ACAP3: variants seen among roughly 807,000 people sequenced by gnomAD.
ACAP3 encodes the protein ArfGAP with coiled-coil, ankyrin repeat and PH domains 3.
In ACAP3, 56 loss-of-function variants were observed where a neutral mutation model predicts 104.1. The observed-to-expected ratio is 0.54, with a 90% CI of 0.43 to 0.67. The LOEUF (loss-of-function observed/expected upper bound fraction) is 0.67, where lower values mean the gene tolerates loss of function less well. ACAP3 is among the 30% of genes least tolerant of loss of function. The pLI is 0.00. For synonymous variants in ACAP3, 628 were observed against 496.2 expected, an observed-to-expected ratio of 1.27 and a Z score of -3.53; for missense variants, 1,208 against 1,174.9, an observed-to-expected ratio of 1.03 and a Z score of -0.41.
intron 1 of ACAP3, among the ~76,000 whole-genome samples, chr1:1,306,678 A>G (rs375270249): frequency 1.1e-4 from 17 of 152,332 alleles, no homozygotes; most frequent in South Asian, 6.2e-4. Flanking sequence ...ACACCCACAC[A>G]TACACAATCA....
rs751564931 is a variant in ACAP3 at position 1,294,231 on chromosome 1, C to T, written c.2140-32G>A. 11 of 1,549,388 alleles carry T rather than the reference C, an allele frequency of 7.1e-6. No individual in the cohort carries two copies. The East Asian group carries it at 7.2e-5, about 10-fold the overall frequency. ...AGCCGGGGCAACTCAGACGGAGCCA[C>T]GGCACCGGCCCCTCTCCGCGCCTCT... On this transcript the variant is annotated intron_variant, in intron 21 of 23. Transcript: ENST00000354700.
rs548038022 is a variant in ACAP3, at chr1:1,304,475, T to C, written c.48-332A>G. On this transcript the variant is annotated intron_variant, in intron 1 of 23. Transcript: ENST00000354700. Reference sequence around the variant, plus strand: ...GAGCCAGCCTCACCCGCCTCTCCTCTAGGAGTTCAGAGTCAACCCTGGACC... The same window carrying C: ...GAGCCAGCCTCACCCGCCTCTCCTCCAGGAGTTCAGAGTCAACCCTGGACC... 2.2e-4 allele frequency: 103 copies of C among 462,902 alleles called. No homozygotes were observed. The East Asian group carries it at 3.7e-3, about 17-fold the overall frequency. 28.7% of individuals were successfully genotyped at this position (462,902 alleles called of 1,614,324 possible).
chr1:1,302,577 G>A (rs893412792), intron 4 of ACAP3, among the ~76,000 whole-genome samples: 2 of 152,130 alleles, frequency 1.3e-5, no homozygotes, highest in Non-Finnish European at 2.9e-5. Context: ...CATCTCACGG[G>A]TGCCTGTCCT....
At chr1:1,307,497 A>G in intron 1 of ACAP3, 1 of 1,241,186 alleles carries the variant, frequency 8.1e-7, no homozygotes, top group Non-Finnish European at 1.0e-6. Context: ...GGAGGTGCAG[A>G]CACAGAGCGG....
rs1047317381 is a variant in ACAP3 at position 1,298,119 on chromosome 1, G to T, written c.916-6C>A. 4 of 1,601,940 alleles carry T rather than the reference G, an allele frequency of 2.5e-6. No homozygotes were observed. The highest frequency in any genetic ancestry group is 1.1e-5 in the South Asian group (1 of 89,502). ...ACCACCACGGTGAGGGCATCCTGTG[G>T]GCGGCACCGCTGTGGCCCCTGCCCT... On this transcript the variant is annotated splice_region_variant and splice_polypyrimidine_tract_variant and intron_variant, in intron 12 of 23. Coordinates refer to ENST00000354700, the MANE Select transcript of ACAP3 (RefSeq NM_030649.3).
At position 1,293,459 on chromosome 1, in the gene ACAP3, G is replaced by C. The variant is rs1640930672; in HGVS notation, c.*105C>G. The C allele has an allele frequency of 1.7e-6, 2 of 1,194,152 alleles. No individual in the cohort carries two copies. The highest frequency in any genetic ancestry group is 2.1e-6 in the Non-Finnish European group (2 of 942,088). The allele number at this position is 1,194,152 out of a possible 1,614,324, so 74.0% of individuals were successfully genotyped here. Reference sequence around the variant, plus strand: ...CCCAGCACTGGGGCTGCCAGGTATCGACCCGCGGGTCACACGCAGGGCCGC... The same window carrying C: ...CCCAGCACTGGGGCTGCCAGGTATCCACCCGCGGGTCACACGCAGGGCCGC... On this transcript the variant is annotated 3_prime_UTR_variant, in exon 24 of 24. Coordinates refer to ENST00000354700, the MANE Select transcript of ACAP3 (RefSeq NM_030649.3).
rs1641398046 is a variant in ACAP3 at position 1,300,520 on chromosome 1, A to G, written c.511T>C (p.Tyr171His). 1.2e-6 allele frequency: 2 copies of G among 1,610,390 alleles called. No homozygotes were observed. Among genetic ancestry groups the G allele is most frequent in the African/African-American group, 1.3e-5 (1 of 74,832 alleles). ...RKCFRHLALDYVLQINVLQAK... is the reference protein window; with the variant it reads ...RKCFRHLALDHVLQINVLQAK... ...TTTCTGGGGCTGACCTGGAGCACATAGTCCAGTGCCAGGTGGCGGAAGCAC... is the reference window on the plus strand; with the variant it reads ...TTTCTGGGGCTGACCTGGAGCACATGGTCCAGTGCCAGGTGGCGGAAGCAC... Residue 171 changes from tyrosine (Y) to histidine (H), a missense_variant, in exon 6 of 24, where the codon TAT (tyrosine) becomes CAT (histidine). Transcript: ENST00000354700.
rs186490603 is a variant in ACAP3, at chr1:1,293,968, G to T, written c.2250-35C>A. The T allele has an allele frequency of 2.1e-3, 3,148 of 1,497,008 alleles. 5 individuals are homozygous for T. Among genetic ancestry groups the T allele is most frequent in the Non-Finnish European group, 2.5e-3 (2,784 of 1,125,280 alleles). 92.7% of individuals were successfully genotyped at this position (1,497,008 alleles called of 1,614,324 possible). A position where few individuals can be genotyped will look rare whatever the true frequency, so the allele number is the denominator to read the frequency against. On this transcript the variant is annotated intron_variant, in intron 22 of 23. Transcript: ENST00000354700. ...GAGGTCGGAGGGGCGTGTCGGGGCG[G>T]GGCGGGGCGGGGCGAGTGTGGTCGC...
chr1:1,304,326 GC>G (rs1384209377), intron 1 of ACAP3, 183 bp from the exon 2 acceptor site: 22 of 627,392 alleles, frequency 3.5e-5, no homozygotes, highest in Middle Eastern at 8.3e-4. Flanking sequence ...ACTTCCCCCC[GC>G]CCCCCCAACC....
rs761584739 is a variant in ACAP3, at chr1:1,300,174, A to G, written c.551T>C (p.Phe184Ser). The G allele has an allele frequency of 4.3e-6, 7 of 1,610,320 alleles. No individual in the cohort carries two copies. In the Admixed American group the frequency reaches 6.7e-5, roughly 15 times the overall value. Residue 184 changes from phenylalanine (F) to serine (S), a missense_variant, in exon 7 of 24, where the codon TTT becomes TCT. Physicochemically the swap from Phe to Ser is radical, Grantham distance 155 (BLOSUM62 -2). Coordinates refer to ENST00000354700, the MANE Select transcript of ACAP3 (RefSeq NM_030649.3). ...QINVLQAKKK[F>S]EILDSMLSFM... The stretch of plus-strand genomic sequence containing the variant: ...CGCACTCACAGAGTCCAGGATCTCA[A>G]ACTTCTTCTTGGCCTGCAGAACATT...
chr1:1,297,987 C>A, intron 13 of ACAP3, 26 bp downstream of exon 13: 1 of 1,611,296 alleles, frequency 6.2e-7, no homozygotes, highest in South Asian at 1.1e-5. Context: ...ACGCCCCCCG[C>A]CCCACCCTGG....
In ACAP3 at chr1:1,294,520, C is replaced by T; in HGVS notation, c.2021G>A (p.Arg674His). 3 of 1,504,990 alleles carry T rather than the reference C, an allele frequency of 2.0e-6. No individual in the cohort carries two copies. Among genetic ancestry groups the T allele is most frequent in the Admixed American group, 2.3e-5 (1 of 42,958 alleles). 93.2% of individuals were successfully genotyped at this position (1,504,990 alleles called of 1,614,324 possible). Residue 674 changes from arginine to histidine, a missense_variant, in exon 21 of 24, where the codon CGC becomes CAC. Arg to His is a conservative substitution (Grantham distance 29, BLOSUM62 0). Coordinates refer to ENST00000354700, the MANE Select transcript of ACAP3 (RefSeq NM_030649.3). ...RELHPGLLAH[R>H]AARARDLPAL... is the part of the protein sequence containing the mutation. ...AGGAAGGTCGCGGGCACGCGCTGCG[C>T]GGTGCGCCAAGAGCCCCGGGTGCAG...
intron 6 of ACAP3, 93 bp downstream of exon 6, chr1:1,300,416 C>G (rs1276822271): frequency 1.1e-5 from 15 of 1,394,578 alleles, no homozygotes; most frequent in Non-Finnish European, 1.4e-5. Flanking sequence ...AATCGTCACT[C>G]CTGCTCAAAA....
chr1:1,298,437 G>A lies in ACAP3; in HGVS notation c.864-16C>T, dbSNP rs540364350. The stretch of plus-strand genomic sequence containing the variant: ...GAACCAGCGCCTAGGTGGGTGGGGG[G>A]ATGTGGGGAGTCAGGCGGGGCCCAT... On this transcript the variant is annotated splice_polypyrimidine_tract_variant and intron_variant, in intron 11 of 23. Transcript: ENST00000354700. 31 of 1,598,190 alleles carry A rather than the reference G, an allele frequency of 1.9e-5. 1 individual carries two copies. In the South Asian group the frequency reaches 3.3e-4, roughly 17 times the overall value.
intron 1 of ACAP3, among the ~76,000 whole-genome samples, chr1:1,306,818 T>C (rs1641732458): frequency 6.6e-6 from 1 of 152,234 alleles, no homozygotes; most frequent in Non-Finnish European, 1.5e-5. Context: ...AACACGCGTG[T>C]ACAAGGTGAT....
At chr1:1,295,334 G>C in intron 19 of ACAP3, 113 bp downstream of exon 19, 1 of 969,428 alleles carries the variant, frequency 1.0e-6, no homozygotes. Context: ...GAGGCCCCCC[G>C]CCCCTTCAGA....
intron 10 of ACAP3, 126 bp downstream of exon 10, chr1:1,299,219 A>T: frequency 7.9e-7 from 1 of 1,262,160 alleles, no homozygotes; most frequent in Non-Finnish European, 1.1e-6. Flanking sequence ...CCGCATCAGC[A>T]GCAGGAGCCG....
In ACAP3 at chr1:1,295,905, G is replaced by GT; in HGVS notation, c.1535dup (p.Tyr512Ter). Residue 512 changes from tyrosine (Y) to a stop codon, truncating the protein, a stop_gained and frameshift_variant, in exon 18 of 24, where the codon TAC becomes TAAC. Transcript: ENST00000354700. LOFTEE classifies it high-confidence loss of function. ...QDKEAWIKDK[Y>*]VEKKFLRKAP... is the part of the protein sequence containing the mutation. The stretch of plus-strand genomic sequence containing the variant: ...CCTTCCGCAGAAACTTCTTTTCCAC[G>GT]TATTTGTCCTTGATCCAGGCCTCCT... The GT allele has an allele frequency of 6.2e-7, 1 of 1,612,306 alleles. No homozygotes were observed. The highest frequency in any genetic ancestry group is 8.5e-7 in the Non-Finnish European group (1 of 1,179,966).
chr1:1,307,680 G>C (rs879737746), intron 1 of ACAP3, 89 bp downstream of exon 1: 17 of 1,032,898 alleles, frequency 1.6e-5, no homozygotes, highest in Non-Finnish European at 2.0e-5. Flanking sequence ...GGCCCGGCCC[G>C]GCGCTGACCT....
Sources: gnomAD v4.1 joint callset for allele counts (sites outside exome capture counted in the v4.1 genomes callset) on GRCh38, gnomAD v4.1.1 for gene constraint, MANE v1.5 for transcripts, NCBI Gene and HGNC (gene_info 2026-07-23, HGNC 2026-07-21) for gene names.